The following NOCT variants were observed in gnomAD, a reference collection of about 807,000 sequenced individuals.
NOCT encodes CCR4 carbon catabolite repression 4-like.
NOCT carries 18 observed loss-of-function variants against 35.0 expected under a neutral mutation model. The observed-to-expected ratio is 0.51, with a 90% CI of 0.36 to 0.76. The LOEUF (loss-of-function observed/expected upper bound fraction) is 0.76, where lower values mean the gene tolerates loss of function less well. NOCT is among the 30% of genes least tolerant of loss of function. NOCT has a pLI of 0.01. For synonymous variants in NOCT, 235 were observed against 226.3 expected (o/e 1.04, Z -0.34); for missense variants, 479 against 541.0 (o/e 0.89, Z 1.14).
intron 1 of NOCT, among the ~76,000 whole-genome samples, chr4:139,021,191 C>T (rs1179721998): frequency 6.6e-6 from 1 of 151,940 alleles, no homozygotes; most frequent in African/African-American, 2.4e-5. Context: ...TTTGTCGAGA[C>T]GGGTTTTGCC....
intron 1 of NOCT, among the ~76,000 whole-genome samples, chr4:139,033,272 G>A (rs527994746): frequency 7.4e-4 from 113 of 152,186 alleles, no homozygotes; most frequent in Admixed American, 3.4e-3. Context: ...GCTGAGGCAG[G>A]AGAATTGCTT....
chr4:139,043,463 T>C, intron 2 of NOCT, 120 bp downstream of exon 2: 1 of 923,290 alleles, frequency 1.1e-6, no homozygotes, highest in East Asian at 2.4e-5. Flanking sequence ...TGGAGGTGAC[T>C]GCAGCAGCAT....
At chr4:139,018,388 G>A (rs1277772957) in intron 1 of NOCT, among the ~76,000 whole-genome samples, 1 of 152,094 alleles carries the variant, frequency 6.6e-6, no homozygotes, top group African/African-American at 2.4e-5. Context: ...AATAATATCA[G>A]GTCAGATTGG....
At position 139,045,057 on chromosome 4, in the gene NOCT, G is replaced by A; in HGVS notation, c.879G>A (p.Trp293Ter). The A allele has an allele frequency of 6.2e-7, 1 of 1,614,182 alleles. No homozygotes were observed. Among genetic ancestry groups the A allele is most frequent in the Non-Finnish European group, 8.5e-7 (1 of 1,180,024 alleles). Reference sequence around the variant, plus strand: ...CCCATCTAAAAGCACGCACTGGCTGGGAGCGGTTTCGATCAGCTCAAGGCT... The same window carrying A: ...CCCATCTAAAAGCACGCACTGGCTGAGAGCGGTTTCGATCAGCTCAAGGCT... ...AVTHLKARTG[W>*]ERFRSAQGCD... The change falls in exon 3 of 3, where the codon TGG becomes TGA. Residue 293 changes from tryptophan to a stop codon, truncating the protein, a stop_gained. Coordinates refer to ENST00000280614, the MANE Select transcript of NOCT (RefSeq NM_012118.4). LOFTEE classifies it high-confidence loss of function.
chr4:139,040,491 G>T (rs1458608582), intron 1 of NOCT, among the ~76,000 whole-genome samples: 1 of 152,130 alleles, frequency 6.6e-6, no homozygotes, highest in African/African-American at 2.4e-5. Context: ...TTTTTAGAAG[G>T]AAGTGTGGTT....
intron 1 of NOCT, among the ~76,000 whole-genome samples, chr4:139,025,084 T>G (rs952672878): frequency 2.0e-5 from 3 of 152,208 alleles, no homozygotes; most frequent in Admixed American, 6.5e-5. Flanking sequence ...AGTTTCAGAG[T>G]TAGCTCCTGA....
At chr4:139,024,799 T>C (rs1435200463) in intron 1 of NOCT, among the ~76,000 whole-genome samples, 1 of 152,166 alleles carries the variant, frequency 6.6e-6, no homozygotes, top group Non-Finnish European at 1.5e-5. Context: ...AGACAGGTTT[T>C]CCCCGTGTTG....
intron 1 of NOCT, among the ~76,000 whole-genome samples, chr4:139,023,361 ATACT>A (rs1324777241): frequency 6.6e-6 from 1 of 152,160 alleles, no homozygotes; most frequent in African/African-American, 2.4e-5. Flanking sequence ...CTGGGATATA[ATACT>A]TTTCTATTTC....
At chr4:139,021,600 C>A (rs1444636869) in intron 1 of NOCT, among the ~76,000 whole-genome samples, 1 of 151,788 alleles carries the variant, frequency 6.6e-6, no homozygotes, top group African/African-American at 2.4e-5. Flanking sequence ...GGAGTGTATC[C>A]ATGTAGTCAC....
chr4:139,017,928 A>G (rs1726343029), intron 1 of NOCT, among the ~76,000 whole-genome samples: 1 of 152,312 alleles, frequency 6.6e-6, no homozygotes, highest in Non-Finnish European at 1.5e-5. Context: ...TCTAGTATCA[A>G]ACTCCTGGCC....
intron 1 of NOCT, among the ~76,000 whole-genome samples, chr4:139,029,440 G>C (rs535672616): frequency 2.0e-5 from 3 of 152,158 alleles, no homozygotes; most frequent in Non-Finnish European, 1.5e-5. Flanking sequence ...ACCGCAGGCC[G>C]AACTTCCTGG....
chr4:139,025,761 G>A (rs1272556185), intron 1 of NOCT, among the ~76,000 whole-genome samples: 4 of 149,886 alleles, frequency 2.7e-5, no homozygotes, highest in East Asian at 3.9e-4. Context: ...CCGAGATGGC[G>A]CCATTGCACT....
chr4:139,021,919 C>T (rs1413941362), intron 1 of NOCT, among the ~76,000 whole-genome samples: 3 of 151,994 alleles, frequency 2.0e-5, no homozygotes, highest in Non-Finnish European at 4.4e-5. Context: ...CCACCATGCC[C>T]GGCTAATTTT....
At chr4:139,034,375 TGAGAA>T (rs796436258) in intron 1 of NOCT, among the ~76,000 whole-genome samples, 6 of 152,296 alleles carry the variant, frequency 3.9e-5, no homozygotes, top group African/African-American at 1.4e-4. Context: ...CATAATAAAG[TGAGAA>T]GAGAAAGGTG....
chr4:139,040,773 G>A (rs960713604), intron 1 of NOCT, among the ~76,000 whole-genome samples: 2 of 152,134 alleles, frequency 1.3e-5, no homozygotes, highest in Non-Finnish European at 2.9e-5. Context: ...TGAGTTTGCT[G>A]TGGTTCCCTG....
chr4:139,018,118 G>A (rs1312246929), intron 1 of NOCT, among the ~76,000 whole-genome samples: 1 of 144,550 alleles, frequency 6.9e-6, no homozygotes, highest in Admixed American at 7.0e-5. Context: ...GTAGGAATGT[G>A]GTACATTGTG....
chr4:139,043,266 A>T lies in NOCT; in HGVS notation c.383A>T (p.Asp128Val). Residue 128 changes from aspartate to valine, a missense_variant, in exon 2 of 3, where the codon GAT (aspartate) becomes GTT (valine). Transcript: ENST00000280614. ...ACCCGACCTCCCCGGTTCCAGAGGGATTTTGTGGATCTGAGGACAGATTGC... is the reference window on the plus strand; with the variant it reads ...ACCCGACCTCCCCGGTTCCAGAGGGTTTTTGTGGATCTGAGGACAGATTGC... ...LHTRPPRFQR[D>V]FVDLRTDCPS... 1 of 1,614,112 alleles carries T rather than the reference A, an allele frequency of 6.2e-7. No individual in the cohort carries two copies. The highest frequency in any genetic ancestry group is 8.5e-7 in the Non-Finnish European group (1 of 1,180,000).
At chr4:139,018,521 G>C (rs895671449) in intron 1 of NOCT, among the ~76,000 whole-genome samples, 3 of 152,204 alleles carry the variant, frequency 2.0e-5, no homozygotes, top group Admixed American at 2.0e-4. Flanking sequence ...TTTGTAGGCA[G>C]TTACTATAAA....
chr4:139,043,517 T>C, intron 2 of NOCT, 174 bp downstream of exon 2: 1 of 572,388 alleles, frequency 1.7e-6, no homozygotes, highest in Non-Finnish European at 3.0e-6. Context: ...CATCTGGTTT[T>C]CACTTTTTTT....
Sources: gnomAD v4.1 joint callset for allele counts (sites outside exome capture counted in the v4.1 genomes callset) on GRCh38, gnomAD v4.1.1 for gene constraint, MANE v1.5 for transcripts, NCBI Gene and HGNC (gene_info 2026-07-23, HGNC 2026-07-21) for gene names.